The following CEP170B variants were observed in gnomAD, a reference collection of about 807,000 sequenced individuals.
CEP170B encodes centrosomal protein of 170 kDa protein B.
A neutral mutation model predicts 120.6 loss-of-function variants in CEP170B; 55 were observed. The ratio of observed to expected loss-of-function variants is 0.46; its 90% confidence interval spans 0.37 to 0.57. CEP170B has a LOEUF of 0.57. CEP170B is among the 20% of genes least tolerant of loss of function. CEP170B has a pLI of 0.00. For missense variants in CEP170B, 2,212 were observed against 2,253.3 expected, an observed-to-expected ratio of 0.98 and a Z score of 0.37; for synonymous variants, 1,033 against 954.5, an observed-to-expected ratio of 1.08 and a Z score of -1.52.
At chr14:104,875,350 G>A (rs936414266) in intron 2 of CEP170B, among the ~76,000 whole-genome samples, 2 of 152,204 alleles carry the variant, frequency 1.3e-5, no homozygotes, top group East Asian at 1.9e-4. Context: ...AGGGTCACAC[G>A]CTGTCTGGGC....
At chr14:104,889,075 G>A (rs1314383532) in intron 12 of CEP170B, among the ~76,000 whole-genome samples, 1 of 152,236 alleles carries the variant, frequency 6.6e-6, no homozygotes, top group Non-Finnish European at 1.5e-5. Context: ...ACAAACTCAA[G>A]CAGGCAGCAG....
chr14:104,878,458 T>G lies in CEP170B; in HGVS notation c.290T>G (p.Val97Gly). Residue 97 changes from valine (V) to glycine (G), a missense_variant, in exon 5 of 19, where the codon GTG (valine) becomes GGG (glycine). Coordinates refer to ENST00000414716, the MANE Select transcript of CEP170B (RefSeq NM_001112726.3). ...ACGTGTCCACATTCCAACATGTATG[T>G]GCTGGAGCGTGTGCAGCACCGAGTC... ...IRFGYDSNMY[V>G]LERVQHRVPE... The G allele has an allele frequency of 6.2e-7, 1 of 1,612,608 alleles. No individual in the cohort carries two copies. The highest frequency in any genetic ancestry group is 8.5e-7 in the Non-Finnish European group (1 of 1,179,754).
In CEP170B at chr14:104,895,189, G is replaced by T. The variant is rs986830462; in HGVS notation, c.*231G>T. On this transcript the variant is annotated 3_prime_UTR_variant, in exon 19 of 19. Transcript: ENST00000414716. ...CCCACCCCTGCCTCGCCCCCTACAG[G>T]CCTCTGGGCCCAGCTCCTGGCCAGG... 7 of 492,712 alleles carry T rather than the reference G, an allele frequency of 1.4e-5. No homozygotes were observed. The highest frequency in any genetic ancestry group is 1.2e-4 in the African/African-American group (6 of 50,206). The allele number at this position is 492,712 out of a possible 1,614,324, so 30.5% of individuals were successfully genotyped here.
chr14:104,883,688 ACTT>A, intron 8 of CEP170B, 140 bp from the exon 9 acceptor site: 2 of 1,069,266 alleles, frequency 1.9e-6, no homozygotes, highest in Non-Finnish European at 2.6e-6. Context: ...TTCCCGTTGC[ACTT>A]CTTTGCCCTG....
chr14:104,870,967 A>G lies in CEP170B; in HGVS notation c.105+2412A>G, dbSNP rs759535602. Among the ~76,000 whole-genome samples, 9 of 148,040 alleles carry G rather than the reference A, an allele frequency of 6.1e-5. No homozygotes were observed. Among genetic ancestry groups the G allele is most frequent in the South Asian group, 4.4e-4 (2 of 4,540 alleles). ...CCCCTGCCGGCCTCTGTCACCCCTC[A>G]CTCCCTGTGCACCTGCCCTAGAGGC... On this transcript the variant is annotated intron_variant, in intron 2 of 18. Transcript: ENST00000414716. The surrounding 1 kb of genome is among the most constrained non-coding windows in gnomAD (Gnocchi z 4.1).
Position 104,886,852 on chromosome 14 carries a change from G to A in CEP170B, c.2613G>A (p.Lys871=). 6.2e-7 allele frequency: 1 copy of A among 1,610,940 alleles called. No homozygotes were observed. Among genetic ancestry groups the A allele is most frequent in the Non-Finnish European group, 8.5e-7 (1 of 1,179,814 alleles). The part of the protein sequence containing the change: ...PAFLRQESFT[K]EPASGPPAPG... ...TTCTCCGGCAAGAGAGCTTCACTAA[G>A]GAGCCAGCCAGTGGTCCCCCAGCGC... The change falls in exon 12 of 19, where the codon AAG becomes AAA. Residue 871 remains lysine, a synonymous_variant. Transcript: ENST00000414716.
chr14:104,872,176 C>T (rs892791524), intron 2 of CEP170B, among the ~76,000 whole-genome samples: 5 of 129,768 alleles, frequency 3.9e-5, no homozygotes, highest in East Asian at 2.4e-4. Flanking sequence ...CGTGTGTGTG[C>T]GTGTGTGTGC....
At chr14:104,871,367 C>T (rs948750317) in intron 2 of CEP170B, among the ~76,000 whole-genome samples, 1 of 151,602 alleles carries the variant, frequency 6.6e-6, no homozygotes, top group Non-Finnish European at 1.5e-5. Flanking sequence ...CCCCTTCCCT[C>T]TGCTCAGTGC....
intron 13 of CEP170B, among the ~76,000 whole-genome samples, chr14:104,892,305 C>CT (rs1566874608): frequency 6.6e-6 from 1 of 152,140 alleles, no homozygotes; most frequent in Non-Finnish European, 1.5e-5. Flanking sequence ...TGGGAAGTGT[C>CT]TGTTACCTCG....
Position 104,886,999 on chromosome 14 carries a change from C to T in CEP170B, c.2760C>T (p.Ala920=). ...THLILKETET[A]LAALEARLLS... ...TGATCTTGAAGGAGACGGAGACGGC[C>T]CTGGCGGCCCTGGAGGCCCGACTCC... The change falls in exon 12 of 19, where the codon GCC becomes GCT. Residue 920 remains alanine (A), a synonymous_variant. Transcript: ENST00000414716. 1.2e-6 allele frequency: 2 copies of T among 1,609,542 alleles called. No homozygotes were observed. Among genetic ancestry groups the T allele is most frequent in the South Asian group, 1.1e-5 (1 of 91,088 alleles).
Position 104,893,619 on chromosome 14 carries a change from T to A in CEP170B, c.4135T>A (p.Cys1379Ser). The change falls in exon 15 of 19, where the codon TGT becomes AGT. Residue 1379 changes from cysteine (C) to serine (S), a missense_variant. By Grantham distance (112) the Cys-to-Ser change is moderately radical. This residue lies in a region of CEP170B where 2,166 missense variants were observed against 2,166.7 expected (regional missense o/e 1.00). Transcript: ENST00000414716. ...RDFDQNMNDSCEDALANKTRP... is the reference protein window; with the variant it reads ...RDFDQNMNDSSEDALANKTRP... ...CTTTGACCAGAACATGAACGACAGC[T>A]GTGAGGACGCCCTGGCCAACAAGAC... is the stretch of plus-strand genomic sequence containing the variant. 1 of 1,598,542 alleles carries A rather than the reference T, an allele frequency of 6.3e-7. No individual in the cohort carries two copies.
intron 2 of CEP170B, among the ~76,000 whole-genome samples, chr14:104,875,839 T>C (rs998256848): frequency 2.6e-5 from 4 of 151,960 alleles, no homozygotes; most frequent in Non-Finnish European, 5.9e-5. Context: ...GCACCAAAGG[T>C]GTGGACACTG....
intron 16 of CEP170B, 159 bp downstream of exon 16, chr14:104,894,008 C>A: frequency 1.3e-6 from 1 of 751,488 alleles, no homozygotes; most frequent in South Asian, 1.7e-5. Context: ...TGGCTCCCAG[C>A]AGGCAGACCC....
In CEP170B at chr14:104,887,882, C is replaced by T. The variant is rs1440274693; in HGVS notation, c.3643C>T (p.Arg1215Trp). 9.6e-6 allele frequency: 15 copies of T among 1,565,018 alleles called. No homozygotes were observed. Among genetic ancestry groups the T allele is most frequent in the African/African-American group, 2.7e-5 (2 of 74,156 alleles). ...ASRKPTMAEA[R>W]AVSRKAANTA... ...CCGCAAGCCCACCATGGCCGAAGCA[C>T]GGGCTGTCTCCAGGAAGGCTGCCAA... Residue 1215 changes from arginine to tryptophan, a missense_variant, in exon 12 of 19, where the codon CGG becomes TGG. Physicochemically the swap from Arg to Trp is moderately radical, Grantham distance 101 (BLOSUM62 -3). Transcript: ENST00000414716.
At chr14:104,881,304 A>C (rs2140678968) in intron 6 of CEP170B, among the ~76,000 whole-genome samples, 1 of 152,194 alleles carries the variant, frequency 6.6e-6, no homozygotes, top group South Asian at 2.1e-4. Context: ...TGGGGTATCC[A>C]AGCCTGAGGC....
At position 104,887,103 on chromosome 14, in the gene CEP170B, A is replaced by G. The variant is rs1450965978; in HGVS notation, c.2864A>G (p.Asp955Gly). The change falls in exon 12 of 19, where the codon GAC (aspartate) becomes GGC (glycine). Residue 955 changes from aspartate (D) to glycine (G), a missense_variant. By Grantham distance (94) the Asp-to-Gly change is moderately conservative. Transcript: ENST00000414716. ...GAGGACGCCCTGTCTGGGGACTCGGACGTGGACACAGCCAGCACCGTCAGC... is the reference window on the plus strand; with the variant it reads ...GAGGACGCCCTGTCTGGGGACTCGGGCGTGGACACAGCCAGCACCGTCAGC... Reference protein sequence around the residue: ...PPEDALSGDSDVDTASTVSLR... With the variant: ...PPEDALSGDSGVDTASTVSLR... 1 of 1,611,192 alleles carries G rather than the reference A, an allele frequency of 6.2e-7. No individual in the cohort carries two copies. Among genetic ancestry groups the G allele is most frequent in the Admixed American group, 1.7e-5 (1 of 59,998 alleles).
chr14:104,870,191 C>T lies in CEP170B; in HGVS notation c.105+1636C>T, dbSNP rs1895404273. Among the ~76,000 whole-genome samples, 1 of 152,176 alleles carries T rather than the reference C, an allele frequency of 6.6e-6. No homozygotes were observed. Among genetic ancestry groups the T allele is most frequent in the South Asian group, 2.1e-4 (1 of 4,824 alleles). On this transcript the variant is annotated intron_variant, in intron 2 of 18. Coordinates refer to ENST00000414716, the MANE Select transcript of CEP170B (RefSeq NM_001112726.3). This position sits in a 1 kb window ranked among gnomAD's most constrained non-coding sequence, Gnocchi z 4.1. The stretch of plus-strand genomic sequence containing the variant: ...GGCCTGTGGCCGTGGTGAGGGGCAG[C>T]CAGGGAGCGAGCGTGGGCGACCGAG...
intron 9 of CEP170B, among the ~76,000 whole-genome samples, chr14:104,885,082 G>A (rs1896403144): frequency 6.6e-6 from 1 of 151,824 alleles, no homozygotes; most frequent in Non-Finnish European, 1.5e-5. Flanking sequence ...GGTGGAGGTG[G>A]GCGGACGTTG....
chr14:104,870,281 T>C lies in CEP170B; in HGVS notation c.105+1726T>C, dbSNP rs992369121. 6.6e-6 allele frequency among the ~76,000 whole-genome samples: 1 copy of C among 152,212 alleles called. No individual in the cohort carries two copies. The highest frequency in any genetic ancestry group is 2.1e-4 in the South Asian group (1 of 4,830). On this transcript the variant is annotated intron_variant, in intron 2 of 18. Coordinates refer to ENST00000414716, the MANE Select transcript of CEP170B (RefSeq NM_001112726.3). The surrounding 1 kb of genome is among the most constrained non-coding windows in gnomAD (Gnocchi z 4.1). ...AAGTATCAATTTCCCATAATTTTCA[T>C]GTGTCATGAAATAGCCTTTTGATGA...
Sources: gnomAD v4.1 joint callset for allele counts (sites outside exome capture counted in the v4.1 genomes callset) on GRCh38, gnomAD v4.1.1 for gene constraint, gnomAD v4.1.1 regional missense constraint, Gnocchi (gnomAD v3.1) non-coding constraint, MANE v1.5 for transcripts, NCBI Gene and HGNC (gene_info 2026-07-23, HGNC 2026-07-21) for gene names.